The following SCNN1G variants were observed in gnomAD, a reference collection of about 807,000 sequenced individuals.
The protein encoded by SCNN1G is sodium channel epithelial 1 subunit gamma.
A neutral mutation model predicts 64.6 loss-of-function variants in SCNN1G; 27 were observed. The ratio of observed to expected loss-of-function variants is 0.42; its 90% CI spans 0.31 to 0.58. The LOEUF (loss-of-function observed/expected upper bound fraction) is 0.58, where lower values mean the gene tolerates loss of function less well. Ranked by LOEUF, SCNN1G falls within the 20% of genes least tolerant of loss-of-function variation. The probability of loss-of-function intolerance (pLI) is 0.18; values close to 1 mark genes in which losing one functional copy is unlikely to be tolerated. For synonymous variants in SCNN1G, 330 were observed against 314.2 expected (o/e 1.05, Z -0.53); for missense variants, 743 against 823.4 (o/e 0.90, Z 1.19).
intron 6 of SCNN1G, among the ~76,000 whole-genome samples, chr16:23,199,654 T>C (rs1206980831): frequency 1.4e-5 from 2 of 144,350 alleles, no homozygotes; most frequent in African/African-American, 2.6e-5. Flanking sequence ...TTTTCTTTTC[T>C]TTTCTTTTCT....
chr16:23,212,523 A>G (rs1042487012), intron 8 of SCNN1G, among the ~76,000 whole-genome samples, 155 bp from the exon 9 acceptor site: 3 of 152,204 alleles, frequency 2.0e-5, no homozygotes, highest in Non-Finnish European at 2.9e-5. Context: ...CTGTTTCCCA[A>G]CATCACAATG....
chr16:23,186,571 C>T lies in SCNN1G; in HGVS notation c.300C>T (p.Cys100=). Residue 100 remains cysteine (C), a synonymous_variant, in exon 2 of 13, where the codon TGC becomes TGT. Coordinates refer to ENST00000300061, the MANE Select transcript of SCNN1G (RefSeq NM_001039.4). The stretch of plus-strand genomic sequence containing the variant: ...TGGATTTTCCTGCAGTCACCATCTG[C>T]AACATCAACCCCTACAAGTAAGAGG... ...RKLDFPAVTI[C]NINPYKYSTV... is the part of the protein sequence containing the mutation. 1 of 1,612,912 alleles carries T rather than the reference C, an allele frequency of 6.2e-7. No individual in the cohort carries two copies. The highest frequency in any genetic ancestry group is 8.5e-7 in the Non-Finnish European group (1 of 1,179,980).
At chr16:23,191,955 C>A (rs1055158836) in intron 3 of SCNN1G, among the ~76,000 whole-genome samples, 2 of 152,190 alleles carry the variant, frequency 1.3e-5, no homozygotes, top group Non-Finnish European at 2.9e-5. Flanking sequence ...AGTCTCTCCC[C>A]CTCCTGCAGA....
chr16:23,213,777 A>G (rs1960119276), intron 11 of SCNN1G, among the ~76,000 whole-genome samples: 2 of 152,176 alleles, frequency 1.3e-5, no homozygotes, highest in Non-Finnish European at 2.9e-5. Flanking sequence ...TGCTGGGGGA[A>G]CCAGGACAAT....
chr16:23,204,334 T>TATATAGAGAG (rs1567267153), intron 6 of SCNN1G, among the ~76,000 whole-genome samples: 2 of 15,170 alleles, frequency 1.3e-4, no homozygotes, highest in Non-Finnish European at 2.2e-4. Context: ...TATATATATA[T>TATATAGAGAG]AGAGAGAGAG....
At chr16:23,212,980 A>G in intron 10 of SCNN1G, 86 bp downstream of exon 10, 5 of 1,534,104 alleles carry the variant, frequency 3.3e-6, no homozygotes, top group Non-Finnish European at 4.5e-6. Context: ...GGCCTGGGAC[A>G]TGGTCCAGGG....
intron 6 of SCNN1G, among the ~76,000 whole-genome samples, chr16:23,207,872 CT>C (rs888738422): frequency 1.3e-5 from 2 of 152,024 alleles, no homozygotes; most frequent in African/African-American, 4.8e-5. Flanking sequence ...CTCTTAATTC[CT>C]TCCCCCTCTA....
chr16:23,201,485 G>T (rs1353051027), intron 6 of SCNN1G, among the ~76,000 whole-genome samples: 1 of 151,924 alleles, frequency 6.6e-6, no homozygotes, highest in African/African-American at 2.4e-5. Flanking sequence ...ACAGAGCAGG[G>T]TCAGTCAGCT....
At chr16:23,203,226 G>A (rs939974883) in intron 6 of SCNN1G, among the ~76,000 whole-genome samples, 1 of 152,146 alleles carries the variant, frequency 6.6e-6, no homozygotes, top group Admixed American at 6.5e-5. Context: ...GCAGCCAAGA[G>A]GTCACCAGTG....
rs1959723651 is a variant in SCNN1G at position 23,192,385 on chromosome 16, A to C, written c.652A>C (p.Thr218Pro). 6.2e-7 allele frequency: 1 copy of C among 1,614,008 alleles called. No individual in the cohort carries two copies. The highest frequency in any genetic ancestry group is 1.3e-5 in the African/African-American group (1 of 75,014). ...SNDTSDCATY[T>P]FSSGINAIQE... ...TGACACCTCCGACTGTGCCACCTAC[A>C]CCTTCAGCTCGGGAATCAATGCCAT... The change falls in exon 4 of 13, where the codon ACC becomes CCC. Residue 218 changes from threonine to proline, a missense_variant. Thr to Pro is a conservative substitution (Grantham distance 38, BLOSUM62 -1). Coordinates refer to ENST00000300061, the MANE Select transcript of SCNN1G (RefSeq NM_001039.4).
chr16:23,198,797 G>T (rs989438575), intron 6 of SCNN1G, among the ~76,000 whole-genome samples: 8 of 151,112 alleles, frequency 5.3e-5, no homozygotes, highest in Admixed American at 2.0e-4. Flanking sequence ...GCATAGACTT[G>T]TAGTCCCAGC....
At chr16:23,183,929 C>T (rs532970508) in intron 1 of SCNN1G, among the ~76,000 whole-genome samples, 1 of 152,240 alleles carries the variant, frequency 6.6e-6, no homozygotes, top group East Asian at 1.9e-4. Context: ...AACCTGTCAG[C>T]GTCTGTTTCA....
chr16:23,206,452 C>A (rs1272857741), intron 6 of SCNN1G, among the ~76,000 whole-genome samples: 2 of 152,162 alleles, frequency 1.3e-5, no homozygotes, highest in African/African-American at 2.4e-5. Flanking sequence ...ACTGTTTATA[C>A]CTTAAAGAAT....
chr16:23,184,254 G>A (rs1265623324), intron 1 of SCNN1G, among the ~76,000 whole-genome samples: 1 of 152,150 alleles, frequency 6.6e-6, no homozygotes, highest in Non-Finnish European at 1.5e-5. Flanking sequence ...TCTGGGGAAG[G>A]GGCTGATGGG....
At chr16:23,213,051 G>T in intron 10 of SCNN1G, 51 bp from the exon 11 acceptor site, 2 of 1,569,592 alleles carry the variant, frequency 1.3e-6, no homozygotes, top group Non-Finnish European at 1.8e-6. Context: ...CGGGAGGCTG[G>T]CCCTAGCCTC....
At chr16:23,212,992 G>A in intron 10 of SCNN1G, 98 bp downstream of exon 10, 1 of 1,528,778 alleles carries the variant, frequency 6.5e-7, no homozygotes, top group Non-Finnish European at 9.1e-7. Context: ...GGTCCAGGGG[G>A]AAAAGAATTA....
chr16:23,212,791 G>T (rs760842950), intron 9 of SCNN1G, 35 bp downstream of exon 9: 2 of 1,613,364 alleles, frequency 1.2e-6, no homozygotes, highest in African/African-American at 2.7e-5. Flanking sequence ...CGGGTGGCTG[G>T]GTTGGGTTGG....
At chr16:23,190,307 A>G (rs1338050210) in intron 3 of SCNN1G, among the ~76,000 whole-genome samples, 1 of 150,878 alleles carries the variant, frequency 6.6e-6, no homozygotes, top group African/African-American at 2.4e-5. Context: ...AAGAAAGGAA[A>G]GACACCCAGC....
intron 4 of SCNN1G, among the ~76,000 whole-genome samples, chr16:23,192,958 A>C (rs1270257827): frequency 6.7e-6 from 1 of 149,586 alleles, no homozygotes; most frequent in African/African-American, 2.5e-5. Flanking sequence ...AGTCCCAGCT[A>C]TTCAGGAGAC....
Sources: allele counts gnomAD v4.1 joint callset (sites outside exome capture counted in the v4.1 genomes callset), GRCh38; gene constraint gnomAD v4.1.1; transcripts MANE v1.5; gene names NCBI Gene and HGNC (gene_info 2026-07-23, HGNC 2026-07-21).